FBXO47: variants seen among roughly 807,000 people sequenced by gnomAD.
FBXO47 encodes the protein F-box only protein 47.
In FBXO47, 34 loss-of-function variants were observed where a neutral mutation model predicts 53.9. That is an observed-to-expected ratio of 0.63 (90% CI 0.48 to 0.84). The LOEUF is 0.84. Among genes scored for constraint, FBXO47 ranks in the 40% least tolerant of loss-of-function variants. The pLI is 0.00. For synonymous variants in FBXO47, 165 were observed against 181.6 expected, an observed-to-expected ratio of 0.91 and a Z score of 0.73; for missense variants, 485 against 541.3, an observed-to-expected ratio of 0.90 and a Z score of 1.03.
intron 6 of FBXO47, among the ~76,000 whole-genome samples, chr17:38,950,548 C>T (rs1238287152): frequency 1.3e-5 from 2 of 151,020 alleles, no homozygotes; most frequent in African/African-American, 4.9e-5. Flanking sequence ...AATCCTCCCA[C>T]TTCGGCCTCC....
intron 8 of FBXO47, 94 bp downstream of exon 8, chr17:38,943,496 A>T: frequency 1.3e-6 from 1 of 755,986 alleles, no homozygotes; most frequent in Non-Finnish European, 2.0e-6. Flanking sequence ...CAACAGGCAC[A>T]TCATTTGTTA....
rs71141742 is a variant in FBXO47, at chr17:38,965,709, TAAAA to T, written c.-27+1516_-27+1519del. Among the ~76,000 whole-genome samples the T allele has an allele frequency of 1.2e-3, 71 of 61,614 alleles. 2 individuals carry two copies. Among genetic ancestry groups the T allele is most frequent in the Non-Finnish European group, 1.3e-3 (41 of 32,796 alleles). 40.4% of individuals were successfully genotyped at this position (61,614 alleles called of 152,430 possible). A position where few individuals can be genotyped will look rare whatever the true frequency, so the allele number is the denominator to read the frequency against. On this transcript the variant is annotated intron_variant, in intron 1 of 10. Coordinates refer to ENST00000378079, the MANE Select transcript of FBXO47 (RefSeq NM_001008777.3). Reference sequence around the variant, plus strand: ...TAACACGGTGAAACCCCTTCTCTACTAAAAAAAAAAAAAAAAAAAAAAAATTAGC... The same window carrying T: ...TAACACGGTGAAACCCCTTCTCTACTAAAAAAAAAAAAAAAAAAAATTAGC...
chr17:38,944,719 AAATT>A (rs1904665998), intron 7 of FBXO47, among the ~76,000 whole-genome samples: 1 of 150,686 alleles, frequency 6.6e-6, no homozygotes, highest in South Asian at 2.1e-4. Context: ...AAAAAAAAAA[AAATT>A]AGCTGGTTGT....
intron 9 of FBXO47, among the ~76,000 whole-genome samples, chr17:38,939,812 C>T (rs538468684): frequency 2.7e-5 from 4 of 150,432 alleles, no homozygotes; most frequent in Admixed American, 1.3e-4. Flanking sequence ...GGACTACAGG[C>T]GCCCGCCACC....
intron 6 of FBXO47, among the ~76,000 whole-genome samples, chr17:38,948,592 G>A (rs1905055570): frequency 6.6e-6 from 1 of 152,030 alleles, no homozygotes; most frequent in African/African-American, 2.4e-5. Context: ...CTAATACAAT[G>A]TTTTCAAGGT....
chr17:38,948,422 C>G (rs113528118), intron 6 of FBXO47, among the ~76,000 whole-genome samples: 2,680 of 151,922 alleles, frequency 0.018, 90 homozygotes, highest in African/African-American at 0.061. Flanking sequence ...GCCATGTTGA[C>G]CAGGCTGGTC....
At position 38,936,957 on chromosome 17, in the gene FBXO47, T is replaced by C. The variant is rs1915594022; in HGVS notation, c.*218A>G. The stretch of plus-strand genomic sequence containing the variant: ...GACTAAAACCCGGAGAGGCAGAGCT[T>C]GTTTTCCAGAGAAATCTCAGCACAT... On this transcript the variant is annotated 3_prime_UTR_variant, in exon 11 of 11. Coordinates refer to ENST00000378079, the MANE Select transcript of FBXO47 (RefSeq NM_001008777.3). The C allele has an allele frequency of 5.5e-6, 2 of 364,130 alleles. No individual in the cohort carries two copies. The highest frequency in any genetic ancestry group is 8.5e-5 in the East Asian group (2 of 23,442). The allele number at this position is 364,130 out of a possible 1,614,324, so 22.6% of individuals were successfully genotyped here. A position where few individuals can be genotyped will look rare whatever the true frequency, so the allele number is the denominator to read the frequency against.
chr17:38,958,572 T>G (rs1185549312), intron 3 of FBXO47, among the ~76,000 whole-genome samples: 1 of 152,158 alleles, frequency 6.6e-6, no homozygotes, highest in East Asian at 1.9e-4. Flanking sequence ...AACGTTCTAT[T>G]TTCCTAAAAT....
intron 6 of FBXO47, among the ~76,000 whole-genome samples, chr17:38,946,315 A>AT (rs1904815214): frequency 1.2e-5 from 1 of 86,410 alleles, no homozygotes; most frequent in African/African-American, 5.6e-5. Flanking sequence ...TAAATATATA[A>AT]ATATATATAA....
At chr17:38,941,393 C>T (rs932449095) in intron 9 of FBXO47, among the ~76,000 whole-genome samples, 2 of 151,188 alleles carry the variant, frequency 1.3e-5, no homozygotes, top group African/African-American at 4.9e-5. Context: ...TAGTTTCGAA[C>T]TCCTGACCTC....
At chr17:38,953,726 T>A (rs1448866075) in intron 5 of FBXO47, among the ~76,000 whole-genome samples, 1 of 152,152 alleles carries the variant, frequency 6.6e-6, no homozygotes, top group African/African-American at 2.4e-5. Context: ...GGAAACTCAG[T>A]GGACAAGGAG....
At chr17:38,946,874 A>T (rs1273471383) in intron 6 of FBXO47, among the ~76,000 whole-genome samples, 1 of 114,152 alleles carries the variant, frequency 8.8e-6, no homozygotes, top group East Asian at 2.4e-4. Flanking sequence ...ATATATAAAC[A>T]TATATATAAA....
rs929867898 is a variant in FBXO47 at position 38,936,934 on chromosome 17, C to T, written c.*241G>A. ...CTATTTTGGTTTGGTGTTAGGTTGA[C>T]TAAAACCCGGAGAGGCAGAGCTTGT... is the stretch of plus-strand genomic sequence containing the variant. On this transcript the variant is annotated 3_prime_UTR_variant, in exon 11 of 11. Transcript: ENST00000378079. The T allele has an allele frequency of 3.0e-6, 1 of 334,758 alleles. No homozygotes were observed. The highest frequency in any genetic ancestry group is 9.6e-5 in the South Asian group (1 of 10,408). The allele number at this position is 334,758 out of a possible 1,614,324, so 20.7% of individuals were successfully genotyped here. A position where few individuals can be genotyped will look rare whatever the true frequency, so the allele number is the denominator to read the frequency against.
At chr17:38,959,624 T>TG (rs1905725933) in intron 3 of FBXO47, among the ~76,000 whole-genome samples, 2 of 126,202 alleles carry the variant, frequency 1.6e-5, no homozygotes, top group Non-Finnish European at 3.3e-5. Context: ...CTTCAAAGCA[T>TG]TGTGTGTGTG....
At chr17:38,964,245 G>C (rs1293389619) in intron 1 of FBXO47, among the ~76,000 whole-genome samples, 2 of 151,382 alleles carry the variant, frequency 1.3e-5, no homozygotes, top group Non-Finnish European at 2.9e-5. Flanking sequence ...GGAACACCTG[G>C]GGTCAGGAGT....
intron 5 of FBXO47, among the ~76,000 whole-genome samples, chr17:38,952,898 C>T (rs1362205902): frequency 6.8e-6 from 1 of 147,566 alleles, no homozygotes; most frequent in Non-Finnish European, 1.5e-5. Flanking sequence ...AGGTGATCGG[C>T]CTGCATCAGC....
At chr17:38,966,236 C>G (rs776331878) in intron 1 of FBXO47, among the ~76,000 whole-genome samples, 2 of 152,040 alleles carry the variant, frequency 1.3e-5, no homozygotes, top group African/African-American at 2.4e-5. Flanking sequence ...GAGTTTCGCA[C>G]AGTCTCCTGG....
rs552810986 is a variant in FBXO47 at position 38,956,206 on chromosome 17, C to T, written c.429+971G>A. 2.6e-5 allele frequency among the ~76,000 whole-genome samples: 4 copies of T among 151,740 alleles called. No homozygotes were observed. In the East Asian group the frequency reaches 5.8e-4, roughly 22 times the overall value. On this transcript the variant is annotated intron_variant, in intron 4 of 10. Coordinates refer to ENST00000378079, the MANE Select transcript of FBXO47 (RefSeq NM_001008777.3). ...AGTAATCTTGATTCAGCATACAGAG[C>T]GGTTTGGGGAGTAATGAATTGGATG...
At chr17:38,946,158 A>C (rs1333356537) in intron 6 of FBXO47, among the ~76,000 whole-genome samples, 1 of 120,050 alleles carries the variant, frequency 8.3e-6, no homozygotes, top group Non-Finnish European at 1.6e-5. Context: ...ATACATAAAA[A>C]TATATAAATA....
Sources: gnomAD v4.1 joint callset for allele counts (sites outside exome capture counted in the v4.1 genomes callset) on GRCh38, gnomAD v4.1.1 for gene constraint, MANE v1.5 for transcripts, NCBI Gene and HGNC (gene_info 2026-07-23, HGNC 2026-07-21) for gene names.